The following SLC12A4 variants were observed in gnomAD, a reference collection of about 807,000 sequenced individuals.
The protein encoded by SLC12A4 is electroneutral potassium-chloride cotransporter 1.
In SLC12A4, 84 loss-of-function variants were observed where a neutral mutation model predicts 119.2. The observed-to-expected ratio is 0.70, with a 90% CI of 0.59 to 0.85. The LOEUF is 0.85. Among genes scored for constraint, SLC12A4 ranks in the 40% least tolerant of loss-of-function variants. The pLI, the probability that SLC12A4 is intolerant of heterozygous loss-of-function variation, is 0.00. For missense variants in SLC12A4, 1,298 were observed against 1,476.3 expected (o/e 0.88, Z 1.98); for synonymous variants, 599 against 604.6 (o/e 0.99, Z 0.14).
chr16:67,968,160 G>T (rs2030945012), intron 1 of SLC12A4, among the ~76,000 whole-genome samples: 2 of 152,110 alleles, frequency 1.3e-5, no homozygotes, highest in African/African-American at 2.4e-5. Flanking sequence ...CGGCCGGCTG[G>T]CCTCCCTGGG....
chr16:67,945,114 G>C lies in SLC12A4; in HGVS notation c.3139C>G (p.Pro1047Ala), dbSNP rs1319635883. The change falls in exon 23 of 24, where the codon CCC becomes GCC. Residue 1047 changes from proline (P) to alanine (A), a missense_variant. Pro to Ala is a conservative substitution (Grantham distance 27). Coordinates refer to ENST00000316341, the MANE Select transcript of SLC12A4 (RefSeq NM_005072.5). ...RLVLLNMPGPPRNSEGDENYM... is the reference protein window; with the variant it reads ...RLVLLNMPGPARNSEGDENYM... ...TTCTCGTCGCCCTCACTGTTCCTGG[G>C]TGGGCCAGGCATGTTTAGGAGAACC... The C allele has an allele frequency of 4.4e-6, 7 of 1,592,984 alleles. No individual in the cohort carries two copies. The highest frequency in any genetic ancestry group is 6.0e-6 in the Non-Finnish European group (7 of 1,168,164).
Position 67,949,883 on chromosome 16 carries a change from T to C in SLC12A4, c.1665A>G (p.Thr555=). Reference sequence around the variant, plus strand: ...TGAGTGCCGTCAGGAGGAGTGCCCATGTGGGTTCACCATTCACCTTCCCGT... The same window carrying C: ...TGAGTGCCGTCAGGAGGAGTGCCCACGTGGGTTCACCATTCACCTTCCCGT... ...FGHGKVNGEP[T]WALLLTALIA... The change falls in exon 13 of 24, where the codon ACA becomes ACG. Residue 555 remains threonine, a synonymous_variant. Transcript: ENST00000316341. The surrounding 1 kb of genome is among the most constrained non-coding windows in gnomAD (Gnocchi z 4.6). The C allele has an allele frequency of 6.2e-7, 1 of 1,611,192 alleles. No individual in the cohort carries two copies. Among genetic ancestry groups the C allele is most frequent in the Non-Finnish European group, 8.5e-7 (1 of 1,178,916 alleles).
intron 1 of SLC12A4, among the ~76,000 whole-genome samples, chr16:67,964,455 C>G (rs1315281679): frequency 6.6e-6 from 1 of 152,070 alleles, no homozygotes; most frequent in Non-Finnish European, 1.5e-5. Context: ...ACTCTTGTCC[C>G]TTATGAGTCT....
At chr16:67,960,014 A>T (rs772930556) in intron 3 of SLC12A4, among the ~76,000 whole-genome samples, 13 of 152,174 alleles carry the variant, frequency 8.5e-5, no homozygotes, top group Non-Finnish European at 1.6e-4. Context: ...TTCCATGAAA[A>T]AACTACTGCA....
chr16:67,945,743 T>A (rs2058336784), intron 21 of SLC12A4, 21 bp downstream of exon 21: 1 of 1,606,580 alleles, frequency 6.2e-7, no homozygotes, highest in African/African-American at 1.3e-5. Context: ...CGCCCTGGCG[T>A]GAACCACAAA....
intron 6 of SLC12A4, among the ~76,000 whole-genome samples, chr16:67,953,298 A>C (rs1358225552): frequency 6.6e-6 from 1 of 152,170 alleles, no homozygotes. Context: ...GAGGCAGGAG[A>C]ATCACTTGAA....
At chr16:67,958,119 A>G in intron 3 of SLC12A4, 75 bp from the exon 4 acceptor site, 1 of 1,524,200 alleles carries the variant, frequency 6.6e-7, no homozygotes, top group Non-Finnish European at 8.9e-7. Flanking sequence ...CTAGTCACTC[A>G]GCAGGCCCCC....
chr16:67,953,023 C>T (rs965109522), intron 6 of SLC12A4, among the ~76,000 whole-genome samples: 1 of 139,370 alleles, frequency 7.2e-6, no homozygotes, highest in African/African-American at 2.7e-5. Context: ...ACTTCAGTCT[C>T]GGAGGTGGTG....
Position 67,950,937 on chromosome 16 carries a change from C to G in SLC12A4, c.1396+25G>C, listed in dbSNP as rs368705068. On this transcript the variant is annotated intron_variant, in intron 10 of 23. Coordinates refer to ENST00000316341, the MANE Select transcript of SLC12A4 (RefSeq NM_005072.5). The surrounding 1 kb of genome is among the most constrained non-coding windows in gnomAD (Gnocchi z 4.3). ...AAGCGCTTCCCGTCCTCTGCCCCAC[C>G]TGCCCCAGGCCTGGGAAAGGATACA... The G allele has an allele frequency of 8.7e-6, 14 of 1,608,748 alleles. No homozygotes were observed. The African/African-American group carries it at 1.7e-4, about 20-fold the overall frequency.
Position 67,949,382 on chromosome 16 carries a change from C to T in SLC12A4, c.1748+418G>A, listed in dbSNP as rs1035509629. On this transcript the variant is annotated intron_variant, in intron 13 of 23. Coordinates refer to ENST00000316341, the MANE Select transcript of SLC12A4 (RefSeq NM_005072.5). The surrounding 1 kb of genome is among the most constrained non-coding windows in gnomAD (Gnocchi z 4.6). ...AGGAGAATTGCTTGAACCCAGGAGG[C>T]GGAGATTGCAGTGAGCCAAGATCAT... 4.6e-5 allele frequency among the ~76,000 whole-genome samples: 7 copies of T among 151,506 alleles called. No homozygotes were observed. The highest frequency in any genetic ancestry group is 1.9e-4 in the East Asian group (1 of 5,146).
chr16:67,948,825 G>A (rs1598213699), intron 13 of SLC12A4, among the ~76,000 whole-genome samples: 2 of 152,192 alleles, frequency 1.3e-5, no homozygotes, highest in African/African-American at 4.8e-5. Flanking sequence ...GTGTGCTCTT[G>A]GGTGAGAGGA....
chr16:67,966,457 G>C (rs1267850052), intron 1 of SLC12A4, among the ~76,000 whole-genome samples: 2 of 152,266 alleles, frequency 1.3e-5, no homozygotes, highest in African/African-American at 2.4e-5. Context: ...GGGACTGCCT[G>C]TGAGCTACAC....
At chr16:67,958,270 C>T (rs753188073) in intron 3 of SLC12A4, among the ~76,000 whole-genome samples, 1 of 152,166 alleles carries the variant, frequency 6.6e-6, no homozygotes, top group Non-Finnish European at 1.5e-5. Flanking sequence ...AACTTTGGAA[C>T]CTTAACTCTC....
intron 1 of SLC12A4, chr16:67,964,123 A>G: frequency 6.7e-7 from 1 of 1,500,222 alleles, no homozygotes; most frequent in Non-Finnish European, 8.9e-7. Flanking sequence ...GGCAAGCCCC[A>G]GGCCGTGGAG....
rs775363729 is a variant in SLC12A4, at chr16:67,961,549, C to T, written c.342+26G>A. On this transcript the variant is annotated intron_variant, in intron 3 of 23. Coordinates refer to ENST00000316341, the MANE Select transcript of SLC12A4 (RefSeq NM_005072.5). ...GCTGTGTCTGTCTTCCCAGGTGTGG[C>T]CCCTCTGCCGCCCCAACCAGCTCAC... 1.9e-6 allele frequency: 3 copies of T among 1,608,128 alleles called. No homozygotes were observed. The Admixed American group carries it at 5.0e-5, about 27-fold the overall frequency.
At chr16:67,957,821 G>A (rs779376889) in intron 4 of SLC12A4, 25 bp from the exon 5 acceptor site, 1 of 1,614,164 alleles carries the variant, frequency 6.2e-7, no homozygotes, top group Non-Finnish European at 8.5e-7. Context: ...GCCTGGGTGA[G>A]CGGCTCAGCT....
chr16:67,954,782 G>A lies in SLC12A4; in HGVS notation c.545-9C>T. The A allele has an allele frequency of 6.2e-7, 1 of 1,614,174 alleles. No homozygotes were observed. The highest frequency in any genetic ancestry group is 2.2e-5 in the East Asian group (1 of 44,892). On this transcript the variant is annotated splice_polypyrimidine_tract_variant and intron_variant, in intron 5 of 23. Transcript: ENST00000316341. Reference sequence around the variant, plus strand: ...GAAATAGGAGCCCCCAGCTACAGCAGAGAAATGAAAGTGTGCACAGGTCAA... The same window carrying A: ...GAAATAGGAGCCCCCAGCTACAGCAAAGAAATGAAAGTGTGCACAGGTCAA...
chr16:67,944,745 G>T lies in SLC12A4; in HGVS notation c.*95C>A. The stretch of plus-strand genomic sequence containing the variant: ...AGGACAGGGCCAGGCAAGCAGGGCT[G>T]GCAGGTGGGTGCTGGGAAGAGGCTG... On this transcript the variant is annotated 3_prime_UTR_variant, in exon 24 of 24. Transcript: ENST00000316341. This position sits in a 1 kb window ranked among gnomAD's most constrained non-coding sequence, Gnocchi z 6.6. 1 of 1,518,922 alleles carries T rather than the reference G, an allele frequency of 6.6e-7. No individual in the cohort carries two copies. The highest frequency in any genetic ancestry group is 8.8e-7 in the Non-Finnish European group (1 of 1,134,208). The allele number at this position is 1,518,922 out of a possible 1,614,324, so 94.1% of individuals were successfully genotyped here.
At chr16:67,947,162 C>G in intron 16 of SLC12A4, 57 bp from the exon 17 acceptor site, 2 of 1,536,520 alleles carry the variant, frequency 1.3e-6, no homozygotes, top group East Asian at 4.9e-5. Flanking sequence ...TAGGGAGCCC[C>G]TCCTCTTCTT....
Sources: gnomAD v4.1 joint callset for allele counts (sites outside exome capture counted in the v4.1 genomes callset) on GRCh38, gnomAD v4.1.1 for gene constraint, Gnocchi (gnomAD v3.1) non-coding constraint, MANE v1.5 for transcripts, NCBI Gene and HGNC (gene_info 2026-07-23, HGNC 2026-07-21) for gene names.